NWD2: variants seen among roughly 807,000 people sequenced by gnomAD.
NWD2 encodes NACHT and WD repeat domain containing 2, also known as NACHT and WD repeat domain-containing protein 2.
A neutral mutation model predicts 132.7 loss-of-function variants in NWD2; 37 were observed. That is an observed-to-expected ratio of 0.28 (90% confidence interval 0.21 to 0.37). NWD2 has a LOEUF of 0.37. Among genes scored for constraint, NWD2 ranks in the 10% least tolerant of loss-of-function variants. NWD2 has a pLI of 1.00. For synonymous variants in NWD2, 705 were observed against 803.0 expected, an observed-to-expected ratio of 0.88 and a Z score of 2.06; for missense variants, 1,592 against 2,122.4, an observed-to-expected ratio of 0.75 and a Z score of 4.91.
At chr4:37,312,708 A>C (rs569678645) in intron 1 of NWD2, among the ~76,000 whole-genome samples, 1 of 150,954 alleles carries the variant, frequency 6.6e-6, no homozygotes, top group Non-Finnish European at 1.5e-5. Context: ...GTCTTGTGCC[A>C]GTTTTCAAAG....
At chr4:37,319,164 T>C (rs1011060836) in intron 1 of NWD2, among the ~76,000 whole-genome samples, 2 of 152,214 alleles carry the variant, frequency 1.3e-5, no homozygotes, top group African/African-American at 2.4e-5. Flanking sequence ...TTTTAAATAA[T>C]AGCCACCGTG....
chr4:37,427,784 C>A (rs547838494), intron 3 of NWD2, among the ~76,000 whole-genome samples: 1 of 152,118 alleles, frequency 6.6e-6, no homozygotes, highest in Non-Finnish European at 1.5e-5. Context: ...CTTCAGTAAA[C>A]CAGTTATATG....
intron 2 of NWD2, among the ~76,000 whole-genome samples, chr4:37,353,766 A>C (rs1417216379): frequency 6.6e-6 from 1 of 152,020 alleles, no homozygotes; most frequent in Non-Finnish European, 1.5e-5. Context: ...CAAGGTTCTT[A>C]GCTTTTTTGC....
intron 2 of NWD2, among the ~76,000 whole-genome samples, chr4:37,355,602 A>T (rs1013487914): frequency 6.6e-6 from 1 of 152,236 alleles, no homozygotes; most frequent in African/African-American, 2.4e-5. Context: ...AACTGGGAAC[A>T]TTTACTTTAT....
intron 1 of NWD2, among the ~76,000 whole-genome samples, chr4:37,257,296 G>T (rs1253716221): frequency 6.6e-6 from 1 of 152,152 alleles, no homozygotes; most frequent in Non-Finnish European, 1.5e-5. Context: ...CACTGATTTG[G>T]TTTTGTTATG....
chr4:37,349,706 A>C (rs1158385316), intron 2 of NWD2, among the ~76,000 whole-genome samples: 1 of 152,074 alleles, frequency 6.6e-6, no homozygotes, highest in Non-Finnish European at 1.5e-5. Context: ...CCTATTTGTC[A>C]ATTTTGGCTT....
intron 3 of NWD2, among the ~76,000 whole-genome samples, chr4:37,357,862 T>C (rs1031602629): frequency 1.3e-5 from 2 of 151,840 alleles, no homozygotes; most frequent in African/African-American, 4.9e-5. Context: ...ATAAGGTGAC[T>C]CTGAAGGGGA....
rs1717836237 is a variant in NWD2 at position 37,270,101 on chromosome 4, CT to C, written c.151+24884del. Among the ~76,000 whole-genome samples, 3 of 151,600 alleles carry C rather than the reference CT, an allele frequency of 2.0e-5. No individual in the cohort carries two copies. The Admixed American group carries it at 2.0e-4, about 10-fold the overall frequency. On this transcript the variant is annotated intron_variant, in intron 1 of 6. Transcript: ENST00000309447. ...TTGGGCATCTTTTTGTTCTTATTTG[CT>C]GTTTATATATCTTCTTCTGAGGTAT...
chr4:37,407,170 G>A (rs1290913226), intron 3 of NWD2, among the ~76,000 whole-genome samples: 3 of 152,102 alleles, frequency 2.0e-5, no homozygotes, highest in Non-Finnish European at 4.4e-5. Flanking sequence ...AACCACCATG[G>A]CACATGTATA....
chr4:37,347,668 C>T (rs73240383), intron 2 of NWD2, among the ~76,000 whole-genome samples: 16,828 of 152,120 alleles, frequency 0.11, 1,262 homozygotes, highest in South Asian at 0.24. Flanking sequence ...CCTGTTACAG[C>T]TAGGTATGTT....
intron 3 of NWD2, among the ~76,000 whole-genome samples, chr4:37,414,502 A>G (rs1721224872): frequency 6.6e-6 from 1 of 152,038 alleles, no homozygotes; most frequent in Non-Finnish European, 1.5e-5. Flanking sequence ...AAACAAAGAT[A>G]AATTACCTTT....
intron 2 of NWD2, among the ~76,000 whole-genome samples, chr4:37,334,489 TCACCCCTAGC>T (rs1177597745): frequency 6.6e-6 from 1 of 152,172 alleles, no homozygotes; most frequent in Non-Finnish European, 1.5e-5. Context: ...TACCCTTTCT[TCACCCCTAGC>T]CACCCCACAC....
At chr4:37,379,912 G>GAT (rs756363101) in intron 3 of NWD2, among the ~76,000 whole-genome samples, 7 of 151,932 alleles carry the variant, frequency 4.6e-5, no homozygotes, top group South Asian at 2.1e-4. Context: ...TTATCTTTCA[G>GAT]ATATATATAT....
intron 1 of NWD2, among the ~76,000 whole-genome samples, chr4:37,298,300 T>G (rs989935848): frequency 5.9e-5 from 9 of 152,298 alleles, no homozygotes; most frequent in African/African-American, 1.9e-4. Flanking sequence ...TGGGCAGTAT[T>G]CTAAGTCTTT....
chr4:37,295,429 T>C (rs1718453631), intron 1 of NWD2, among the ~76,000 whole-genome samples: 1 of 152,238 alleles, frequency 6.6e-6, no homozygotes, highest in Non-Finnish European at 1.5e-5. Context: ...AATCATCTCA[T>C]TGACACCTAT....
At chr4:37,312,695 C>G (rs1718872616) in intron 1 of NWD2, among the ~76,000 whole-genome samples, 1 of 150,844 alleles carries the variant, frequency 6.6e-6, no homozygotes, top group Non-Finnish European at 1.5e-5. Context: ...AGAGGGCATC[C>G]CTGTCTTGTG....
chr4:37,362,803 TG>T (rs1720006638), intron 3 of NWD2, among the ~76,000 whole-genome samples: 1 of 152,060 alleles, frequency 6.6e-6, no homozygotes, highest in Non-Finnish European at 1.5e-5. Context: ...AAACAAAAAT[TG>T]ACAAGTGGTA....
intron 3 of NWD2, among the ~76,000 whole-genome samples, chr4:37,373,242 G>A (rs899393150): frequency 2.0e-5 from 3 of 152,204 alleles, no homozygotes; most frequent in African/African-American, 7.2e-5. Context: ...CAGGCACACT[G>A]ACTGTGAGGT....
chr4:37,378,688 G>A (rs1057266163), intron 3 of NWD2, among the ~76,000 whole-genome samples: 2 of 152,110 alleles, frequency 1.3e-5, no homozygotes, highest in Non-Finnish European at 2.9e-5. Flanking sequence ...GGTGACTCTT[G>A]TGAAAGTGTT....
Sources: allele counts gnomAD v4.1 joint callset (sites outside exome capture counted in the v4.1 genomes callset), GRCh38; gene constraint gnomAD v4.1.1; transcripts MANE v1.5; gene names NCBI Gene and HGNC (gene_info 2026-07-23, HGNC 2026-07-21).